Variants in CFAP61 observed in about 807,000 individuals in gnomAD.
CFAP61 encodes the protein cilia and flagella associated protein 61.
In CFAP61, 107 loss-of-function variants were observed where a neutral mutation model predicts 135.6. That is an observed-to-expected ratio of 0.79 (90% CI 0.67 to 0.93). CFAP61 has a LOEUF of 0.93. Ranked by LOEUF, CFAP61 falls within the 40% of genes least tolerant of loss-of-function variation. CFAP61 has a pLI of 0.00. For missense variants in CFAP61, 1,507 were observed against 1,556.2 expected (o/e 0.97, Z 0.53); for synonymous variants, 575 against 578.5 (o/e 0.99, Z 0.09).
chr20:20,271,528 G>A (rs931118947), intron 21 of CFAP61, among the ~76,000 whole-genome samples: 1 of 152,198 alleles, frequency 6.6e-6, no homozygotes, highest in African/African-American at 2.4e-5. Context: ...GGTTAGCAGT[G>A]CGAGAATGAC....
At chr20:20,160,392 C>T (rs1237940626) in intron 10 of CFAP61, among the ~76,000 whole-genome samples, 4 of 152,196 alleles carry the variant, frequency 2.6e-5, no homozygotes, top group African/African-American at 9.7e-5. Flanking sequence ...TCCAACCTGT[C>T]TCCTCTCCAG....
chr20:20,165,837 A>G (rs1474718906), intron 11 of CFAP61, among the ~76,000 whole-genome samples: 2 of 152,204 alleles, frequency 1.3e-5, no homozygotes, highest in Admixed American at 6.5e-5. Context: ...GGACATTGAA[A>G]AGAAATTCTT....
chr20:20,174,899 C>T (rs762848359), intron 13 of CFAP61, among the ~76,000 whole-genome samples: 4 of 152,186 alleles, frequency 2.6e-5, no homozygotes, highest in Non-Finnish European at 5.9e-5. Context: ...TCAGTTAGCC[C>T]GAGGTGGCAG....
intron 8 of CFAP61, among the ~76,000 whole-genome samples, chr20:20,121,153 C>G (rs1168547112): frequency 7.1e-6 from 1 of 140,828 alleles, no homozygotes; most frequent in African/African-American, 2.7e-5. Context: ...GTCACCCAGG[C>G]TGGAGTGCGG....
intron 25 of CFAP61, among the ~76,000 whole-genome samples, chr20:20,306,479 G>T (rs2056482760): frequency 1.3e-5 from 2 of 152,160 alleles, no homozygotes; most frequent in South Asian, 4.1e-4. Context: ...AAGAATCTTT[G>T]CCTGAAGGAT....
At chr20:20,161,271 G>A (rs1429196584) in intron 10 of CFAP61, among the ~76,000 whole-genome samples, 2 of 152,112 alleles carry the variant, frequency 1.3e-5, no homozygotes, top group Admixed American at 6.5e-5. Context: ...CAGGATGCCT[G>A]CCCCCACCAC....
chr20:20,254,942 GTC>G (rs1031396310), intron 20 of CFAP61, among the ~76,000 whole-genome samples: 1 of 152,202 alleles, frequency 6.6e-6, no homozygotes, highest in Non-Finnish European at 1.5e-5. Flanking sequence ...AGGAGAGCTG[GTC>G]TCTCCCAGCC....
intron 22 of CFAP61, among the ~76,000 whole-genome samples, chr20:20,280,176 C>A (rs1203504707): frequency 2.0e-5 from 3 of 152,046 alleles, no homozygotes; most frequent in African/African-American, 7.2e-5. Flanking sequence ...TGGCTGGTGT[C>A]CTTAAATAGA....
chr20:20,338,714 T>C (rs1181564700), intron 25 of CFAP61, among the ~76,000 whole-genome samples: 1 of 152,230 alleles, frequency 6.6e-6, no homozygotes, highest in Non-Finnish European at 1.5e-5. Context: ...CAGTGTGTTA[T>C]GTTGATCAGC....
chr20:20,225,274 A>T (rs1358145728), intron 17 of CFAP61: 2 of 152,170 alleles, frequency 1.3e-5, no homozygotes, highest in African/African-American at 2.4e-5. Context: ...TAAAAGAAAA[A>T]CACGATTTTT....
At chr20:20,159,144 C>T (rs1182046843) in intron 9 of CFAP61, among the ~76,000 whole-genome samples, 2 of 152,226 alleles carry the variant, frequency 1.3e-5, no homozygotes, top group African/African-American at 4.8e-5. Context: ...ATCTGTTTCT[C>T]TATCTGTCTG....
intron 7 of CFAP61, among the ~76,000 whole-genome samples, chr20:20,091,928 C>T (rs538307408): frequency 3.7e-4 from 56 of 152,282 alleles, no homozygotes; most frequent in African/African-American, 1.3e-3. Context: ...GTGATCCGCC[C>T]GCCTTGGCCT....
At position 20,151,796 on chromosome 20, in the gene CFAP61, C is replaced by T. The variant is rs181294869; in HGVS notation, c.952-7574C>T. 7.9e-4 allele frequency among the ~76,000 whole-genome samples: 99 copies of T among 126,026 alleles called. 1 individual carries two copies. Among genetic ancestry groups the T allele is most frequent in the African/African-American group, 2.9e-3 (93 of 32,172 alleles). The allele number at this position is 126,026 out of a possible 152,430, so 82.7% of individuals were successfully genotyped here. ...AGTGAGCTGAGATGGCGCCACTGCA[C>T]TCCTGTCTGGGCGACAGAGCAAGAC... On this transcript the variant is annotated intron_variant, in intron 9 of 26. Coordinates refer to ENST00000245957, the MANE Select transcript of CFAP61 (RefSeq NM_015585.4).
At chr20:20,081,310 C>T (rs889538607) in intron 6 of CFAP61, among the ~76,000 whole-genome samples, 2 of 152,192 alleles carry the variant, frequency 1.3e-5, no homozygotes, top group East Asian at 1.9e-4. Flanking sequence ...TCAGGATACC[C>T]GATTTGTATC....
At chr20:20,140,333 TC>T (rs1600902991) in intron 8 of CFAP61, among the ~76,000 whole-genome samples, 1 of 146,156 alleles carries the variant, frequency 6.8e-6, no homozygotes, top group Non-Finnish European at 1.5e-5. Flanking sequence ...CCTAATGCTA[TC>T]CCTCCCACCT....
At chr20:20,228,623 C>G in intron 18 of CFAP61, 1 of 344,030 alleles carries the variant, frequency 2.9e-6, no homozygotes, top group Non-Finnish European at 5.4e-6. Context: ...CAGCCACACT[C>G]ATTTATGTGT....
intron 9 of CFAP61, among the ~76,000 whole-genome samples, chr20:20,146,816 A>G (rs1376505891): frequency 6.6e-6 from 1 of 152,152 alleles, no homozygotes; most frequent in Non-Finnish European, 1.5e-5. Context: ...TTACCTGGAT[A>G]AGTTCTTTAG....
chr20:20,167,576 G>C (rs189924331), intron 12 of CFAP61, among the ~76,000 whole-genome samples: 3 of 152,158 alleles, frequency 2.0e-5, no homozygotes, highest in Admixed American at 6.5e-5. Flanking sequence ...AAATAACCTT[G>C]GTTGCTTCAT....
In CFAP61 at chr20:20,288,673, G is replaced by A. The variant is rs2054774069; in HGVS notation, c.2861G>A (p.Cys954Tyr). Residue 954 changes from cysteine to tyrosine, a missense_variant, in exon 23 of 27, where the codon TGT (cysteine) becomes TAT (tyrosine). Transcript: ENST00000245957. ...YETFKALNDA[C>Y]LVYDSRLVID... ...ACGTTTAAAGCCCTCAATGATGCAT[G>A]TCTTGTGTATGACAGTCGACTTGTG... 1 of 1,614,104 alleles carries A rather than the reference G, an allele frequency of 6.2e-7. No individual in the cohort carries two copies.
Sources: allele counts gnomAD v4.1 joint callset (sites outside exome capture counted in the v4.1 genomes callset), GRCh38; gene constraint gnomAD v4.1.1; transcripts MANE v1.5; gene names NCBI Gene and HGNC (gene_info 2026-07-23, HGNC 2026-07-21).